The following SNX6 variants were observed in gnomAD, a reference collection of about 807,000 sequenced individuals.
The protein encoded by SNX6 is sorting nexin-6.
A neutral mutation model predicts 63.0 loss-of-function variants in SNX6; 34 were observed. That is an observed-to-expected ratio of 0.54 (90% confidence interval 0.41 to 0.72). The LOEUF (loss-of-function observed/expected upper bound fraction) is 0.72. Among genes scored for constraint, SNX6 ranks in the 30% least tolerant of loss-of-function variants. The pLI, the probability that SNX6 is intolerant of heterozygous loss-of-function variation, is 0.00. For missense variants in SNX6, 398 were observed against 471.4 expected, an observed-to-expected ratio of 0.84 and a Z score of 1.44; for synonymous variants, 170 against 164.2, an observed-to-expected ratio of 1.04 and a Z score of -0.27.
intron 2 of SNX6, among the ~76,000 whole-genome samples, chr14:34,620,223 C>T (rs1475424929): frequency 6.6e-6 from 1 of 152,204 alleles, no homozygotes; most frequent in Non-Finnish European, 1.5e-5. Context: ...CATTACACCC[C>T]ACCCTCAACA....
intron 2 of SNX6, among the ~76,000 whole-genome samples, chr14:34,626,363 A>G (rs1883822742): frequency 1.3e-5 from 2 of 151,920 alleles, no homozygotes. Context: ...ATACATGAAA[A>G]AGTCTCTGGG....
At chr14:34,576,972 C>T (rs1395130819) in intron 10 of SNX6, among the ~76,000 whole-genome samples, 2 of 151,784 alleles carry the variant, frequency 1.3e-5, no homozygotes, top group Non-Finnish European at 2.9e-5. Flanking sequence ...ATCCCAGCTA[C>T]TCAGAAGGCT....
chr14:34,627,453 CAA>C (rs1289371850), intron 2 of SNX6, among the ~76,000 whole-genome samples: 2 of 134,948 alleles, frequency 1.5e-5, no homozygotes, highest in Non-Finnish European at 3.3e-5. Context: ...GACTCCGTTT[CAA>C]AAAAAAAAAA....
chr14:34,583,437 CT>C (rs34703258), intron 9 of SNX6, among the ~76,000 whole-genome samples: 14 of 108,056 alleles, frequency 1.3e-4, no homozygotes, highest in South Asian at 5.5e-4. Flanking sequence ...TCATTTTTTT[CT>C]TTTTTTTTTT....
intron 11 of SNX6, chr14:34,568,977 C>G: frequency 7.0e-7 from 1 of 1,438,782 alleles, no homozygotes; most frequent in South Asian, 1.1e-5. Context: ...ACAACCAGTT[C>G]TCATCGTAGG....
intron 2 of SNX6, among the ~76,000 whole-genome samples, chr14:34,625,047 G>A (rs1253247567): frequency 6.6e-6 from 1 of 151,844 alleles, no homozygotes; most frequent in Non-Finnish European, 1.5e-5. Flanking sequence ...TCCCGAGTAG[G>A]TGGGATTACA....
intron 2 of SNX6, among the ~76,000 whole-genome samples, chr14:34,627,937 CCAA>C (rs1171825073): frequency 2.0e-5 from 3 of 152,266 alleles, no homozygotes; most frequent in South Asian, 2.1e-4. Context: ...AAAAATCTTA[CCAA>C]CAACTAGTAA....
intron 13 of SNX6, among the ~76,000 whole-genome samples, chr14:34,564,977 A>G (rs1232785156): frequency 6.6e-6 from 1 of 152,116 alleles, no homozygotes; most frequent in African/African-American, 2.4e-5. Context: ...AAAAGCAGCC[A>G]CAAGCATAAA....
rs557334480 is a variant in SNX6 at position 34,612,022 on chromosome 14, G to A, written c.55-2280C>T. 3.8e-4 allele frequency among the ~76,000 whole-genome samples: 58 copies of A among 152,182 alleles called. 1 individual carries two copies. Among genetic ancestry groups the A allele is most frequent in the African/African-American group, 1.3e-3 (53 of 41,550 alleles). ...TCTCGATCTCCTGACCTCGTGATAC[G>A]CCCGCCTCGGCCTCCCAAAGTGCTG... On this transcript the variant is annotated intron_variant, in intron 2 of 13. Transcript: ENST00000362031.
intron 8 of SNX6, among the ~76,000 whole-genome samples, chr14:34,592,039 A>C (rs758536169): frequency 2.0e-5 from 3 of 152,208 alleles, no homozygotes; most frequent in Non-Finnish European, 4.4e-5. Context: ...TAGAGATTAC[A>C]ATCAATTTTT....
At chr14:34,579,490 C>A (rs1881850987) in intron 10 of SNX6, among the ~76,000 whole-genome samples, 1 of 151,962 alleles carries the variant, frequency 6.6e-6, no homozygotes, top group East Asian at 1.9e-4. Context: ...CATCTGTAGT[C>A]CTAACTACTT....
chr14:34,608,763 C>T (rs1883113199), intron 3 of SNX6, among the ~76,000 whole-genome samples: 1 of 152,166 alleles, frequency 6.6e-6, no homozygotes, highest in Admixed American at 6.5e-5. Context: ...CACGGTGGCT[C>T]ACGCCTGTAA....
intron 4 of SNX6, among the ~76,000 whole-genome samples, chr14:34,607,047 G>A (rs1327908797): frequency 6.6e-6 from 1 of 151,984 alleles, no homozygotes; most frequent in African/African-American, 2.4e-5. Context: ...CAAAGTGCTG[G>A]GATTACAGGC....
chr14:34,604,305 T>C, intron 5 of SNX6: 1 of 1,233,310 alleles, frequency 8.1e-7, no homozygotes, highest in Non-Finnish European at 1.0e-6. Flanking sequence ...TCAGGGCCAC[T>C]GGAAAATCAC....
chr14:34,613,069 GA>G (rs1227503098), intron 2 of SNX6, among the ~76,000 whole-genome samples: 6 of 150,674 alleles, frequency 4.0e-5, no homozygotes, highest in African/African-American at 1.5e-4. Context: ...ACTGACACAG[GA>G]AAAAAACACT....
chr14:34,611,893 C>T (rs1478799793), intron 2 of SNX6, among the ~76,000 whole-genome samples: 1 of 152,022 alleles, frequency 6.6e-6, no homozygotes, highest in Non-Finnish European at 1.5e-5. Flanking sequence ...ATTCTCCTGC[C>T]TCAGCCTCCC....
chr14:34,582,034 G>A (rs997698611), intron 9 of SNX6, among the ~76,000 whole-genome samples: 1 of 151,550 alleles, frequency 6.6e-6, no homozygotes, highest in African/African-American at 2.4e-5. Context: ...TTACCATGTT[G>A]GCCAGGATGG....
At chr14:34,617,084 T>C (rs1193284888) in intron 2 of SNX6, among the ~76,000 whole-genome samples, 2 of 151,920 alleles carry the variant, frequency 1.3e-5, no homozygotes, top group African/African-American at 4.8e-5. Context: ...TGTCTCGGGT[T>C]AAAAAAATTT....
intron 2 of SNX6, among the ~76,000 whole-genome samples, chr14:34,618,363 G>A (rs903600817): frequency 8.4e-6 from 1 of 119,620 alleles, no homozygotes; most frequent in African/African-American, 6.3e-5. Context: ...CCTTTTTGGG[G>A]AGGGGGGGAT....
Sources: gnomAD v4.1 joint callset for allele counts (sites outside exome capture counted in the v4.1 genomes callset) on GRCh38, gnomAD v4.1.1 for gene constraint, MANE v1.5 for transcripts, NCBI Gene and HGNC (gene_info 2026-07-23, HGNC 2026-07-21) for gene names.